The following USP40 variants were observed in gnomAD, a reference collection of about 807,000 sequenced individuals.
The protein encoded by USP40 is ubiquitin carboxyl-terminal hydrolase 40.
Under a neutral mutation model 166.2 loss-of-function variants are expected in USP40, and 143 were observed. The ratio of observed to expected loss-of-function variants is 0.86; its 90% CI spans 0.75 to 0.99. The LOEUF is 0.99. Ranked by LOEUF, USP40 falls within the 50% of genes least tolerant of loss-of-function variation. The pLI, the probability that USP40 is intolerant of heterozygous loss-of-function variation, is 0.00. For synonymous variants in USP40, 498 were observed against 524.0 expected, an observed-to-expected ratio of 0.95 and a Z score of 0.68; for missense variants, 1,444 against 1,479.7, an observed-to-expected ratio of 0.98 and a Z score of 0.40.
intron 30 of USP40, among the ~76,000 whole-genome samples, chr2:233,483,406 G>A (rs779911983): frequency 1.3e-5 from 2 of 152,158 alleles, no homozygotes; most frequent in African/African-American, 2.4e-5. Context: ...TGGGAGGATC[G>A]CTTGAGCCCG....
rs2065313830 is a variant in USP40 at position 233,491,200 on chromosome 2, T to C, written c.2979A>G (p.Ser993=). The C allele has an allele frequency of 2.5e-6, 4 of 1,611,394 alleles. No homozygotes were observed. The East Asian group carries it at 8.9e-5, about 36-fold the overall frequency. The change falls in exon 26 of 32, where the codon TCA becomes TCG. Residue 993 remains serine, a synonymous_variant. Coordinates refer to ENST00000678225, the MANE Select transcript of USP40 (RefSeq NM_001365479.2). ...SLLYLGDIEI[S]EDATLAELKS... is the part of the protein sequence containing the mutation. ...TCAGCTCCGCCAGCGTGGCATCTTC[T>C]GAGATCTCTATGTCTCCCAAGTAGA... is the stretch of plus-strand genomic sequence containing the variant.
rs113115567 is a variant in USP40, at chr2:233,481,389, CAAA to C, written c.3505-95_3505-93del. On this transcript the variant is annotated intron_variant, in intron 30 of 31. Transcript: ENST00000678225. Reference sequence around the variant, plus strand: ...ATGTCTAAAAAACTACCTATATTGACAAAAGAACAGATTCAAATTTACATAAAC... The same window carrying C: ...ATGTCTAAAAAACTACCTATATTGACAGAACAGATTCAAATTTACATAAAC... 3,005 of 1,070,008 alleles carry C rather than the reference CAAA, an allele frequency of 2.8e-3. 65 individuals are homozygous for C. The African/African-American group carries it at 0.041, about 15-fold the overall frequency. The allele number at this position is 1,070,008 out of a possible 1,614,324, so 66.3% of individuals were successfully genotyped here. A position where few individuals can be genotyped will look rare whatever the true frequency, so the allele number is the denominator to read the frequency against.
rs748126686 is a variant in USP40, at chr2:233,475,600, CAG to C, written c.*1790_*1791del. 6.6e-6 allele frequency: 1 copy of C among 152,370 alleles called. No homozygotes were observed. Among genetic ancestry groups the C allele is most frequent in the Non-Finnish European group, 1.5e-5 (1 of 68,054 alleles). The allele number at this position is 152,370 out of a possible 1,614,324, so 9.4% of individuals were successfully genotyped here. A position where few individuals can be genotyped will look rare whatever the true frequency, so the allele number is the denominator to read the frequency against. Reference sequence around the variant, plus strand: ...TTTCTCAATCCCCAAATTAAAAAAACAGAAAACAGGAAGAAAGGGAAGAAGGC... The same window carrying C: ...TTTCTCAATCCCCAAATTAAAAAAACAAAACAGGAAGAAAGGGAAGAAGGC... On this transcript the variant is annotated 3_prime_UTR_variant, in exon 32 of 32. Transcript: ENST00000678225.
Position 233,511,790 on chromosome 2 carries a change from G to GT in USP40, c.2444dup (p.Asp815GlufsTer38). 4 of 1,605,964 alleles carry GT rather than the reference G, an allele frequency of 2.5e-6. No individual in the cohort carries two copies. The highest frequency in any genetic ancestry group is 3.4e-6 in the Non-Finnish European group (4 of 1,176,574). ...ATTCTGCTTCCTTCAAAGTATAGCTGTCCGGCACTTAAAAAAATTTTGATA... is the reference window on the plus strand; with the variant it reads ...ATTCTGCTTCCTTCAAAGTATAGCTGTTCCGGCACTTAAAAAAATTTTGATA... On this transcript the variant is annotated frameshift_variant, in exon 20 of 32. Transcript: ENST00000678225. LOFTEE classifies it high-confidence loss of function.
chr2:233,484,211 G>A (rs1016667990), intron 30 of USP40, among the ~76,000 whole-genome samples: 6 of 152,156 alleles, frequency 3.9e-5, no homozygotes, highest in Non-Finnish European at 7.3e-5. Flanking sequence ...TCTAGTGTAC[G>A]AATTTATGCT....
chr2:233,528,937 G>T (rs1012809613), intron 12 of USP40, among the ~76,000 whole-genome samples: 1 of 152,154 alleles, frequency 6.6e-6, no homozygotes, highest in African/African-American at 2.4e-5. Flanking sequence ...CTTTAAGTAA[G>T]AATCCATCAT....
At chr2:233,477,762 G>C (rs2064265009) in intron 31 of USP40, among the ~76,000 whole-genome samples, 1 of 152,246 alleles carries the variant, frequency 6.6e-6, no homozygotes, top group Admixed American at 6.5e-5. Flanking sequence ...AATCTGCTCA[G>C]TGAAAATGCC....
At position 233,485,757 on chromosome 2, in the gene USP40, A is replaced by G. The variant is rs2064905062; in HGVS notation, c.3408+10T>C. 6.2e-7 allele frequency: 1 copy of G among 1,612,738 alleles called. No homozygotes were observed. The highest frequency in any genetic ancestry group is 1.3e-5 in the African/African-American group (1 of 75,030). ...GCCCCAATTTCTCTGAGACAGCCCCACAACTTTACCCAGCTAGATATCGGA... is the reference window on the plus strand; with the variant it reads ...GCCCCAATTTCTCTGAGACAGCCCCGCAACTTTACCCAGCTAGATATCGGA... On this transcript the variant is annotated intron_variant, in intron 29 of 31. Transcript: ENST00000678225.
Position 233,524,557 on chromosome 2 carries a change from C to A in USP40, c.1816G>T (p.Glu606Ter). The change falls in exon 15 of 32, where the codon GAA (glutamate) becomes TAA (stop). Residue 606 changes from glutamate to a stop codon, truncating the protein, a stop_gained. Coordinates refer to ENST00000678225, the MANE Select transcript of USP40 (RefSeq NM_001365479.2). LOFTEE classifies it high-confidence loss of function. Reference sequence around the variant, plus strand: ...ATTTCAGTTTCACACAGTGTCAGTTCATCCCCTAGAAAGAGATCACCAGTG... The same window carrying A: ...ATTTCAGTTTCACACAGTGTCAGTTAATCCCCTAGAAAGAGATCACCAGTG... The part of the protein sequence containing the change: ...LHIYQSLGGD[E>*]LTLCETEIAD... 1 of 1,600,728 alleles carries A rather than the reference C, an allele frequency of 6.2e-7. No individual in the cohort carries two copies. The highest frequency in any genetic ancestry group is 1.7e-5 in the Admixed American group (1 of 57,604).
Position 233,551,388 on chromosome 2 carries a change from G to C in USP40, c.825C>G (p.Pro275=), listed in dbSNP as rs1332548012. ...YTFPLRINLK[P]FCEQSELDDL... ...AAATAGTTCAAACCTGTTCACAAAA[G>C]GGCTTGAGATTAATCCGGAGAGGGA... Residue 275 remains proline (P), a synonymous_variant, in exon 7 of 32, where the codon CCC becomes CCG. Transcript: ENST00000678225. 6.2e-7 allele frequency: 1 copy of C among 1,602,734 alleles called. No individual in the cohort carries two copies. Among genetic ancestry groups the C allele is most frequent in the Admixed American group, 1.7e-5 (1 of 57,342 alleles).
chr2:233,504,065 G>A (rs931572815), intron 21 of USP40, among the ~76,000 whole-genome samples: 2 of 152,014 alleles, frequency 1.3e-5, no homozygotes, highest in African/African-American at 2.4e-5. Flanking sequence ...ATGACCAAAG[G>A]TGAGTTGGAT....
chr2:233,502,692 C>T (rs2066158001), intron 21 of USP40, among the ~76,000 whole-genome samples: 1 of 152,052 alleles, frequency 6.6e-6, no homozygotes, highest in African/African-American at 2.4e-5. Flanking sequence ...ATCCTTTCCT[C>T]CACCAAACCA....
intron 6 of USP40, 55 bp downstream of exon 6, chr2:233,554,325 A>T (rs1271898305): frequency 1.3e-5 from 20 of 1,512,860 alleles, no homozygotes. Flanking sequence ...ATACAAGTTG[A>T]CTTGTACTAA....
At position 233,496,781 on chromosome 2, in the gene USP40, T is replaced by C; in HGVS notation, c.2767A>G (p.Ile923Val). 3.1e-6 allele frequency: 5 copies of C among 1,612,746 alleles called. No homozygotes were observed. Among genetic ancestry groups the C allele is most frequent in the Non-Finnish European group, 4.2e-6 (5 of 1,179,406 alleles). Residue 923 changes from isoleucine (I) to valine (V), a missense_variant, in exon 24 of 32, where the codon ATT (isoleucine) becomes GTT (valine). Physicochemically the swap from Ile to Val is conservative, Grantham distance 29. Transcript: ENST00000678225. ...LICSGDTLLL[I>V]EGQLPPLGFL... is the part of the protein sequence containing the mutation. ...ACCAGAGGAGGAAGTTGTCCTTCAA[T>C]TAAAAGCAAAGTATCTCCAGAACAT...
At chr2:233,515,950 A>G (rs1559243339) in intron 18 of USP40, among the ~76,000 whole-genome samples, 3 of 152,392 alleles carry the variant, frequency 2.0e-5, no homozygotes, top group South Asian at 2.1e-4. Flanking sequence ...ATCTCTCTGC[A>G]TGAAAATACC....
At chr2:233,519,370 T>C in intron 18 of USP40, 2 of 407,864 alleles carry the variant, frequency 4.9e-6, no homozygotes, top group South Asian at 5.1e-5. Flanking sequence ...ACATCAGATA[T>C]ACTCATTGTA....
chr2:233,515,433 G>A (rs1447705644), intron 18 of USP40, among the ~76,000 whole-genome samples: 1 of 152,102 alleles, frequency 6.6e-6, no homozygotes, highest in African/African-American at 2.4e-5. Flanking sequence ...GCACAGTAGG[G>A]TGTCATTTGG....
At chr2:233,564,119 T>A (rs1314481984) in intron 2 of USP40, among the ~76,000 whole-genome samples, 1 of 152,142 alleles carries the variant, frequency 6.6e-6, no homozygotes, top group Non-Finnish European at 1.5e-5. Context: ...ACCACTTAAA[T>A]CCCACATGCA....
intron 27 of USP40, among the ~76,000 whole-genome samples, 160 bp from the exon 28 acceptor site, chr2:233,488,464 C>G (rs1034864043): frequency 6.6e-6 from 1 of 152,106 alleles, no homozygotes; most frequent in Admixed American, 6.6e-5. Flanking sequence ...AATGAGAATC[C>G]TTGCTGCGGT....
Sources: allele counts gnomAD v4.1 joint callset (sites outside exome capture counted in the v4.1 genomes callset), GRCh38; gene constraint gnomAD v4.1.1; transcripts MANE v1.5; gene names NCBI Gene and HGNC (gene_info 2026-07-23, HGNC 2026-07-21).